HIVEP3: variants seen among roughly 807,000 people sequenced by gnomAD.
HIVEP3 encodes the protein HIVEP zinc finger 3.
In HIVEP3, 49 loss-of-function variants were observed where a neutral mutation model predicts 152.8. That is an observed-to-expected ratio of 0.32 (90% CI 0.26 to 0.41). HIVEP3 has a LOEUF of 0.41. Among genes scored for constraint, HIVEP3 ranks in the 10% least tolerant of loss-of-function variants. The probability of loss-of-function intolerance (pLI) is 1.00; values close to 1 mark genes in which losing one functional copy is unlikely to be tolerated. For missense variants in HIVEP3, 2,790 were observed against 3,103.3 expected, an observed-to-expected ratio of 0.90 and a Z score of 2.40; for synonymous variants, 1,269 against 1,289.0, an observed-to-expected ratio of 0.98 and a Z score of 0.33.
intron 1 of HIVEP3, among the ~76,000 whole-genome samples, chr1:41,812,309 T>C (rs1651009025): frequency 6.6e-6 from 1 of 152,154 alleles, no homozygotes; most frequent in South Asian, 2.1e-4. Flanking sequence ...CAGTGGCTCA[T>C]GCCTGTAATT....
Position 41,929,726 on chromosome 1 carries a change from TTA to T in HIVEP3, n.120-11204_120-11203del, listed in dbSNP as rs55663663. Reference sequence around the variant, plus strand: ...TGTGTGAGTGTGTGTATATGTGTTTTTATATATATATATATATATATATATAT... The same window carrying T: ...TGTGTGAGTGTGTGTATATGTGTTTTTATATATATATATATATATATATAT... On this transcript the variant is annotated intron_variant and non_coding_transcript_variant, in intron 1 of 3. Coordinates refer to the HIVEP3 transcript ENST00000489103. 2.4e-3 allele frequency among the ~76,000 whole-genome samples: 269 copies of T among 112,796 alleles called. 4 individuals carry two copies. Among genetic ancestry groups the T allele is most frequent in the Non-Finnish European group, 2.8e-3 (164 of 59,448 alleles). 74.0% of individuals were successfully genotyped at this position (112,796 alleles called of 152,430 possible).
rs549860094 is a variant in HIVEP3 at position 41,760,887 on chromosome 1, A to C, written c.-800-59892T>G. On this transcript the variant is annotated intron_variant, in intron 1 of 8. Transcript: ENST00000372583. ...GCTCAGAAAGTGGTGATGGGTAGGC[A>C]TGGACTCTCCTCCCATGACCCTCAA... 6.6e-5 allele frequency among the ~76,000 whole-genome samples: 10 copies of C among 152,268 alleles called. No individual in the cohort carries two copies. In the South Asian group the frequency reaches 2.1e-3, roughly 32 times the overall value.
At chr1:41,548,406 G>A (rs1643856506) in intron 5 of HIVEP3, among the ~76,000 whole-genome samples, 1 of 152,224 alleles carries the variant, frequency 6.6e-6, no homozygotes, top group African/African-American at 2.4e-5. Flanking sequence ...CTTCCTCCAG[G>A]TGCTCTGCAA....
intron 1 of HIVEP3, among the ~76,000 whole-genome samples, chr1:41,802,507 C>G (rs908533262): frequency 1.2e-4 from 18 of 152,210 alleles, no homozygotes; most frequent in African/African-American, 4.3e-4. Flanking sequence ...TGAACCATTG[C>G]ACCTGGCCCC....
chr1:41,948,526 C>T (rs1017190692), intron 1 of HIVEP3, among the ~76,000 whole-genome samples: 4 of 114,746 alleles, frequency 3.5e-5, no homozygotes, highest in Non-Finnish European at 7.6e-5. Flanking sequence ...AACTGCCAAG[C>T]GGATATTGAA....
At chr1:41,514,539 C>A (rs1439218952) in intron 7 of HIVEP3, among the ~76,000 whole-genome samples, 1 of 152,190 alleles carries the variant, frequency 6.6e-6, no homozygotes, top group African/African-American at 2.4e-5. Context: ...AAGCTGGCCT[C>A]AGGCTGCAGA....
intron 1 of HIVEP3, among the ~76,000 whole-genome samples, chr1:41,880,138 T>G (rs764362854): frequency 6.6e-6 from 1 of 152,122 alleles, no homozygotes; most frequent in Non-Finnish European, 1.5e-5. Flanking sequence ...TAGCCCACTG[T>G]AGCCTTCACC....
intron 1 of HIVEP3, among the ~76,000 whole-genome samples, chr1:41,856,058 C>T (rs1057308464): frequency 6.6e-6 from 1 of 152,240 alleles, no homozygotes; most frequent in Non-Finnish European, 1.5e-5. Flanking sequence ...CCTGCTGCCC[C>T]TCCTGCCCAT....
intron 1 of HIVEP3, among the ~76,000 whole-genome samples, chr1:41,770,190 G>A (rs1393972542): frequency 6.6e-6 from 1 of 152,026 alleles, no homozygotes; most frequent in Non-Finnish European, 1.5e-5. Flanking sequence ...AGCCAGGATG[G>A]TCTCGATCTC....
At chr1:41,936,941 T>C (rs902818555) in intron 1 of HIVEP3, among the ~76,000 whole-genome samples, 1 of 152,222 alleles carries the variant, frequency 6.6e-6, no homozygotes, top group African/African-American at 2.4e-5. Context: ...TCTCCCTATT[T>C]GGTCCTAACC....
chr1:41,966,823 T>C (rs1645201528), intron 1 of HIVEP3, among the ~76,000 whole-genome samples: 1 of 151,848 alleles, frequency 6.6e-6, no homozygotes, highest in Non-Finnish European at 1.5e-5. Flanking sequence ...GGCAAAGACA[T>C]ACATAGGCTA....
rs2149045164 is a variant in HIVEP3 at position 41,509,494 on chromosome 1, TG to T, written c.*956del. ...GGAACGGCCGCTAGGGCTCGGGCCC[TG>T]CCACTTCTGCCTTTGTGGGTGGTTT... On this transcript the variant is annotated 3_prime_UTR_variant, in exon 9 of 9. Coordinates refer to ENST00000372583, the MANE Select transcript of HIVEP3 (RefSeq NM_024503.5). 6.6e-6 allele frequency: 1 copy of T among 152,350 alleles called. No homozygotes were observed. The highest frequency in any genetic ancestry group is 1.9e-4 in the East Asian group (1 of 5,176). 9.4% of individuals were successfully genotyped at this position (152,350 alleles called of 1,614,324 possible).
chr1:41,954,834 A>C (rs1016980113), intron 1 of HIVEP3, among the ~76,000 whole-genome samples: 12 of 152,202 alleles, frequency 7.9e-5, no homozygotes, highest in Admixed American at 7.2e-4. Flanking sequence ...GTATCTATCT[A>C]TCTCTCAGCG....
At chr1:41,838,657 G>A (rs1238514977) in intron 1 of HIVEP3, among the ~76,000 whole-genome samples, 1 of 152,036 alleles carries the variant, frequency 6.6e-6, no homozygotes, top group Admixed American at 6.6e-5. Flanking sequence ...AAGAACACAG[G>A]CTTTGAATCC....
chr1:41,901,574 A>C (rs1644624548), intron 1 of HIVEP3, among the ~76,000 whole-genome samples: 1 of 152,184 alleles, frequency 6.6e-6, no homozygotes, highest in Admixed American at 6.5e-5. Context: ...GGTGCCTCAG[A>C]AGCCCAGGGA....
At chr1:41,644,291 C>A (rs1407702353) in intron 2 of HIVEP3, among the ~76,000 whole-genome samples, 1 of 152,126 alleles carries the variant, frequency 6.6e-6, no homozygotes, top group Non-Finnish European at 1.5e-5. Context: ...ACCTATGGGA[C>A]AGTACGTGTG....
At chr1:41,707,857 C>G (rs1646457068) in intron 1 of HIVEP3, among the ~76,000 whole-genome samples, 2 of 152,262 alleles carry the variant, frequency 1.3e-5, no homozygotes, top group Admixed American at 1.3e-4. Context: ...CTAATGAATA[C>G]ATGCTCAATA....
At position 41,583,902 on chromosome 1, in the gene HIVEP3, G is replaced by A. The variant is rs267598601; in HGVS notation, c.896C>T (p.Ser299Phe). 9 of 1,614,104 alleles carry A rather than the reference G, an allele frequency of 5.6e-6. No homozygotes were observed. The highest frequency in any genetic ancestry group is 7.6e-6 in the Non-Finnish European group (9 of 1,180,000). Residue 299 changes from serine (S) to phenylalanine (F), a missense_variant, in exon 4 of 9, where the codon TCC (serine) becomes TTC (phenylalanine). Coordinates refer to ENST00000372583, the MANE Select transcript of HIVEP3 (RefSeq NM_024503.5). This position sits in a 1 kb window ranked among gnomAD's most constrained non-coding sequence, Gnocchi z 6.9. ...SATSGHPAELSPRPKQPLLSS... is the reference protein window; with the variant it reads ...SATSGHPAELFPRPKQPLLSS... ...GAGAAGGGGCTGCTTGGGTCTTGGG[G>A]AGAGCTCTGCAGGGTGACCAGAGGT...
chr1:41,953,628 T>C (rs1260180962), intron 1 of HIVEP3, among the ~76,000 whole-genome samples: 1 of 152,190 alleles, frequency 6.6e-6, no homozygotes, highest in East Asian at 1.9e-4. Flanking sequence ...TTTATAAATG[T>C]CTGAGAAATG....
Sources: allele counts gnomAD v4.1 joint callset (sites outside exome capture counted in the v4.1 genomes callset), GRCh38; gene constraint gnomAD v4.1.1; non-coding constraint Gnocchi (gnomAD v3.1); transcripts MANE v1.5; gene names NCBI Gene and HGNC (gene_info 2026-07-23, HGNC 2026-07-21).